Variants in EXT1 observed in about 807,000 individuals in gnomAD.
The protein encoded by EXT1 is exostosin-1.
EXT1 carries 20 observed loss-of-function variants against 82.5 expected under a neutral mutation model. The ratio of observed to expected loss-of-function variants is 0.24; its 90% confidence interval spans 0.17 to 0.35. EXT1 has a LOEUF of 0.35. Among genes scored for constraint, EXT1 ranks in the 10% least tolerant of loss-of-function variants. The probability of loss-of-function intolerance (pLI) is 1.00; values close to 1 mark genes in which losing one functional copy is unlikely to be tolerated. For missense variants in EXT1, 757 were observed against 936.5 expected, an observed-to-expected ratio of 0.81 and a Z score of 2.50; for synonymous variants, 348 against 350.8, an observed-to-expected ratio of 0.99 and a Z score of 0.09.
At chr8:117,931,900 G>A (rs145865546) in intron 1 of EXT1, among the ~76,000 whole-genome samples, 253 of 152,316 alleles carry the variant, frequency 1.7e-3, no homozygotes, top group African/African-American at 5.9e-3. Context: ...CTGTTTGCAA[G>A]TCGAAGCAGT....
At chr8:118,021,772 C>A (rs896749749) in intron 1 of EXT1, among the ~76,000 whole-genome samples, 2 of 152,210 alleles carry the variant, frequency 1.3e-5, no homozygotes, top group African/African-American at 4.8e-5. Context: ...CCCCAGACTA[C>A]ACAGGTTCTT....
Position 118,106,634 on chromosome 8 carries a change from T to G in EXT1, c.962+3451A>C, listed in dbSNP as rs1287806319. ...GAGGGGGTCAAAGATAGAAGCCACC[T>G]CTCCTTTCCCTCTCTTTCTTCTATT... is the stretch of plus-strand genomic sequence containing the variant. On this transcript the variant is annotated intron_variant, in intron 1 of 10. Coordinates refer to ENST00000378204, the MANE Select transcript of EXT1 (RefSeq NM_000127.3). 2.0e-5 allele frequency among the ~76,000 whole-genome samples: 3 copies of G among 152,322 alleles called. No individual in the cohort carries two copies. In the South Asian group the frequency reaches 6.2e-4, roughly 32 times the overall value.
rs758892615 is a variant in EXT1, at chr8:118,110,216, T to C, written c.831A>G (p.Ser277=). ...CGTGATATAAGGCATTCCTGGTGTC[T>C]GATCCTATCCCTGTCAGGTACCTCT... ...KGKRYLTGIG[S]DTRNALYHVH... The change falls in exon 1 of 11, where the codon TCA becomes TCG. Residue 277 remains serine, a synonymous_variant. Transcript: ENST00000378204. The C allele has an allele frequency of 5.0e-6, 8 of 1,614,240 alleles. No individual in the cohort carries two copies. Among genetic ancestry groups the C allele is most frequent in the Non-Finnish European group, 6.8e-6 (8 of 1,180,040 alleles).
intron 1 of EXT1, among the ~76,000 whole-genome samples, chr8:118,025,759 A>AT (rs111885529): frequency 2.1e-4 from 32 of 150,788 alleles, no homozygotes; most frequent in African/African-American, 5.1e-4. Context: ...CTCTTCCATA[A>AT]TTTTTTTTTT....
At chr8:117,857,497 G>A (rs923040180) in intron 1 of EXT1, among the ~76,000 whole-genome samples, 1 of 151,160 alleles carries the variant, frequency 6.6e-6, no homozygotes, top group Non-Finnish European at 1.5e-5. Context: ...GAGCCTAGGA[G>A]TTCGAGACCA....
At position 117,807,321 on chromosome 8, in the gene EXT1, G is replaced by A. The variant is rs143881630; in HGVS notation, c.1779C>T (p.Pro593=). 7.1e-4 allele frequency: 1,143 copies of A among 1,614,164 alleles called. 2 individuals are homozygous for A. Among genetic ancestry groups the A allele is most frequent in the South Asian group, 1.2e-3 (107 of 91,072 alleles). ...AGTTATCCCAGAAGTGGCTGCGCGC[G>A]GGGTACCCCACAATCCTCTCAGGGA... ...QSFPERIVGY[P]ARSHFWDNSK... is the part of the protein sequence containing the mutation. Residue 593 remains proline (P), a synonymous_variant, in exon 9 of 11, where the codon CCC becomes CCT. Coordinates refer to ENST00000378204, the MANE Select transcript of EXT1 (RefSeq NM_000127.3).
intron 1 of EXT1, among the ~76,000 whole-genome samples, chr8:117,968,210 A>C (rs1047306643): frequency 6.6e-6 from 1 of 152,056 alleles, no homozygotes; most frequent in Non-Finnish European, 1.5e-5. Flanking sequence ...GGCCCAAGCG[A>C]TCCTCCCACC....
At chr8:117,865,092 T>A (rs1205190003) in intron 1 of EXT1, among the ~76,000 whole-genome samples, 1 of 152,214 alleles carries the variant, frequency 6.6e-6, no homozygotes, top group Non-Finnish European at 1.5e-5. Flanking sequence ...CAAACACTTG[T>A]TGATTTTGCT....
intron 1 of EXT1, among the ~76,000 whole-genome samples, chr8:117,900,596 C>T (rs541349256): frequency 7.9e-4 from 121 of 152,284 alleles, no homozygotes; most frequent in African/African-American, 2.4e-3. Context: ...CACTGACAAA[C>T]GGGCTAAGCT....
intron 1 of EXT1, among the ~76,000 whole-genome samples, chr8:117,926,716 T>A (rs1813959162): frequency 6.6e-6 from 1 of 152,144 alleles, no homozygotes; most frequent in Non-Finnish European, 1.5e-5. Flanking sequence ...AGGCAGACAG[T>A]TCAACTCTGT....
chr8:117,892,085 G>A (rs1306389257), intron 1 of EXT1, among the ~76,000 whole-genome samples: 3 of 152,166 alleles, frequency 2.0e-5, no homozygotes, highest in African/African-American at 7.2e-5. Flanking sequence ...GATTACAGGC[G>A]TGAGCCACCG....
intron 1 of EXT1, among the ~76,000 whole-genome samples, chr8:117,963,887 G>T (rs1814753195): frequency 6.6e-6 from 1 of 152,162 alleles, no homozygotes; most frequent in Non-Finnish European, 1.5e-5. Flanking sequence ...AGAGGATGAT[G>T]TGTGTGTTTG....
intron 1 of EXT1, among the ~76,000 whole-genome samples, chr8:118,001,906 T>C (rs112760224): frequency 0.019 from 2,953 of 152,316 alleles, 38 homozygotes; most frequent in Middle Eastern, 0.031. Flanking sequence ...GCCAATTTCA[T>C]AAGAAAAGAT....
chr8:118,109,985 G>C (rs1020770237), intron 1 of EXT1, 100 bp downstream of exon 1: 70 of 1,580,518 alleles, frequency 4.4e-5, no homozygotes, highest in Admixed American at 1.0e-4. Context: ...AGAGGACTGA[G>C]GGCTCATCCG....
At chr8:118,014,683 C>G (rs1286300527) in intron 1 of EXT1, among the ~76,000 whole-genome samples, 4 of 152,022 alleles carry the variant, frequency 2.6e-5, no homozygotes, top group Non-Finnish European at 5.9e-5. Context: ...CAAGTGATCC[C>G]CTCGCCTCAG....
chr8:117,902,602 AC>A (rs1377912798), intron 1 of EXT1, among the ~76,000 whole-genome samples: 2 of 152,190 alleles, frequency 1.3e-5, no homozygotes, highest in Non-Finnish European at 2.9e-5. Flanking sequence ...TCACACCAGC[AC>A]TTTTATGGCT....
chr8:117,959,279 C>CTCTA (rs1368428585), intron 1 of EXT1, among the ~76,000 whole-genome samples: 12 of 152,280 alleles, frequency 7.9e-5, no homozygotes, highest in Non-Finnish European at 1.6e-4. Flanking sequence ...CCTGATCAAG[C>CTCTA]TCTAGCCTAG....
intron 1 of EXT1, among the ~76,000 whole-genome samples, chr8:117,996,089 A>G (rs1377529725): frequency 1.3e-5 from 2 of 152,106 alleles, no homozygotes; most frequent in African/African-American, 4.8e-5. Context: ...TAAATATAAT[A>G]CAGTGGAAGC....
rs185964684 is a variant in EXT1, at chr8:118,034,181, G to A, written c.962+75904C>T. Among the ~76,000 whole-genome samples the A allele has an allele frequency of 4.6e-5, 7 of 152,140 alleles. No individual in the cohort carries two copies. The East Asian group carries it at 1.2e-3, about 25-fold the overall frequency. On this transcript the variant is annotated intron_variant, in intron 1 of 10. Transcript: ENST00000378204. ...GAGATGATTCTTCATTTTTAAAGAG[G>A]TGATTCTCTGTTAACTCTTGATACA...
Sources: gnomAD v4.1 joint callset for allele counts (sites outside exome capture counted in the v4.1 genomes callset) on GRCh38, gnomAD v4.1.1 for gene constraint, MANE v1.5 for transcripts, NCBI Gene and HGNC (gene_info 2026-07-23, HGNC 2026-07-21) for gene names.